Variants in OTOGL observed in about 807,000 individuals in gnomAD.
The protein encoded by OTOGL is otogelin like.
A neutral mutation model predicts 318.5 loss-of-function variants in OTOGL; 285 were observed. The ratio of observed to expected loss-of-function variants is 0.89; its 90% CI spans 0.81 to 0.99. The LOEUF is 0.99. Among genes scored for constraint, OTOGL ranks in the 50% least tolerant of loss-of-function variants. The pLI is 0.00. For missense variants in OTOGL, 2,899 were observed against 2,845.6 expected, an observed-to-expected ratio of 1.02 and a Z score of -0.43; for synonymous variants, 987 against 936.5, an observed-to-expected ratio of 1.05 and a Z score of -0.99.
intron 7 of OTOGL, 116 bp from the exon 8 acceptor site, chr12:80,229,141 G>A (rs568674575): frequency 6.2e-5 from 74 of 1,193,058 alleles, no homozygotes; most frequent in African/African-American, 5.3e-4. Flanking sequence ...TAGTTATAAC[G>A]TTGTAAAGTG....
intron 1 of OTOGL, among the ~76,000 whole-genome samples, chr12:80,139,887 T>A (rs953479035): frequency 2.0e-5 from 3 of 152,182 alleles, no homozygotes; most frequent in Admixed American, 1.3e-4. Context: ...TATTTCCATC[T>A]GAATGTTCTA....
chr12:80,268,723 G>T (rs755469348), intron 22 of OTOGL, among the ~76,000 whole-genome samples: 1 of 151,850 alleles, frequency 6.6e-6, no homozygotes, highest in African/African-American at 2.4e-5. Context: ...TACTTTCTAC[G>T]CGTAGTCAAA....
intron 1 of OTOGL, among the ~76,000 whole-genome samples, chr12:80,191,824 C>T (rs541071084): frequency 6.6e-6 from 1 of 152,282 alleles, no homozygotes; most frequent in East Asian, 1.9e-4. Context: ...ATCTCGCTCT[C>T]TTGTGAATGG....
At position 80,378,007 on chromosome 12, in the gene OTOGL, A is replaced by C; in HGVS notation, c.7021A>C (p.Thr2341Pro). 2 of 1,593,034 alleles carry C rather than the reference A, an allele frequency of 1.3e-6. No homozygotes were observed. Among genetic ancestry groups the C allele is most frequent in the Non-Finnish European group, 1.7e-6 (2 of 1,167,816 alleles). The change falls in exon 59 of 59, where the codon ACT (threonine) becomes CCT (proline). Residue 2341 changes from threonine to proline, a missense_variant. Around this residue, in one of 3 missense-constraint regions of OTOGL, gnomAD observed 289 missense variants for 304.6 expected, o/e 0.95. Coordinates refer to ENST00000547103, the MANE Select transcript of OTOGL (RefSeq NM_001378609.3). ...CSGNGTEIMY[T>P]LQEPIDCTCQ... is the part of the protein sequence containing the mutation. ...AGGAAATGGCACTGAAATTATGTACACTCTCCAGGAACCCATAGACTGTAC... is the reference window on the plus strand; with the variant it reads ...AGGAAATGGCACTGAAATTATGTACCCTCTCCAGGAACCCATAGACTGTAC...
intron 30 of OTOGL, among the ~76,000 whole-genome samples, chr12:80,313,085 G>A (rs1330875711): frequency 6.6e-6 from 1 of 152,038 alleles, no homozygotes; most frequent in Non-Finnish European, 1.5e-5. Context: ...TGTTGCATGA[G>A]CAGGGGCAAA....
chr12:80,113,719 AGTGTGGGAGTACTATTATT>A (rs1161058277), intron 1 of OTOGL, among the ~76,000 whole-genome samples: 1 of 152,070 alleles, frequency 6.6e-6, no homozygotes, highest in African/African-American at 2.4e-5. Context: ...TAATATTGAC[AGTGTGGGAGTACTATTATT>A]GTGTGGGAGT....
chr12:80,370,261 C>T (rs993158790), intron 55 of OTOGL, among the ~76,000 whole-genome samples: 1 of 151,930 alleles, frequency 6.6e-6, no homozygotes, highest in Admixed American at 6.6e-5. Flanking sequence ...GAAACAGATA[C>T]CTATTTGCTT....
chr12:80,340,431 G>A (rs1490839884), intron 43 of OTOGL, among the ~76,000 whole-genome samples: 2 of 152,082 alleles, frequency 1.3e-5, no homozygotes, highest in African/African-American at 4.8e-5. Flanking sequence ...TTATTATTGA[G>A]TAATAACTGA....
chr12:80,127,739 C>A (rs961528658), intron 1 of OTOGL, among the ~76,000 whole-genome samples: 11 of 152,158 alleles, frequency 7.2e-5, no homozygotes, highest in Non-Finnish European at 1.2e-4. Flanking sequence ...TTGCTCATTT[C>A]TTTTTATTCT....
chr12:80,268,565 A>G (rs2137575142), intron 22 of OTOGL, among the ~76,000 whole-genome samples: 1 of 152,288 alleles, frequency 6.6e-6, no homozygotes, highest in Non-Finnish European at 1.5e-5. Context: ...ACACAGTGGC[A>G]ACTAGCTCTT....
At chr12:80,250,125 C>T (rs1204697086) in intron 11 of OTOGL, among the ~76,000 whole-genome samples, 3 of 152,190 alleles carry the variant, frequency 2.0e-5, no homozygotes, top group East Asian at 3.9e-4. Flanking sequence ...CACCTGTCTT[C>T]TGTGTCGCTC....
chr12:80,204,220 T>C (rs1876659671), intron 1 of OTOGL, among the ~76,000 whole-genome samples: 1 of 152,172 alleles, frequency 6.6e-6, no homozygotes, highest in Non-Finnish European at 1.5e-5. Flanking sequence ...TCATACTGAT[T>C]TGTGCTGTGT....
chr12:80,326,180 G>A (rs192242580), intron 35 of OTOGL, among the ~76,000 whole-genome samples: 9 of 152,150 alleles, frequency 5.9e-5, no homozygotes, highest in East Asian at 3.9e-4. Context: ...CTCCAAGTCC[G>A]CGACATAACC....
In OTOGL at chr12:80,312,820, C is replaced by CT. The variant is rs201758298; in HGVS notation, c.3451-647dup. Among the ~76,000 whole-genome samples, 995 of 151,272 alleles carry CT rather than the reference C, an allele frequency of 6.6e-3. 13 individuals are homozygous for CT. The highest frequency in any genetic ancestry group is 0.022 in the African/African-American group (906 of 41,252). The stretch of plus-strand genomic sequence containing the variant: ...TCCTGCTTCTTTTCTTCTTCTTCTT[C>CT]TTTTTTTTTATTTGAGACAGAGTCT... On this transcript the variant is annotated intron_variant, in intron 30 of 58. Transcript: ENST00000547103.
intron 1 of OTOGL, among the ~76,000 whole-genome samples, chr12:80,153,465 C>A (rs1413464801): frequency 3.3e-5 from 5 of 152,170 alleles, no homozygotes; most frequent in African/African-American, 1.2e-4. Context: ...CCTTCTCTGT[C>A]TTCACTCATG....
Position 80,249,936 on chromosome 12 carries a change from G to C in OTOGL, c.1053-1757G>C, listed in dbSNP as rs12313864. On this transcript the variant is annotated intron_variant, in intron 11 of 58. Coordinates refer to ENST00000547103, the MANE Select transcript of OTOGL (RefSeq NM_001378609.3). ...GGGAGTGACCCGATTTTCCAGGTGC[G>C]TCCGTCAGCCCTTTCTTTGACTCGG... Among the ~76,000 whole-genome samples, 6 of 151,978 alleles carry C rather than the reference G, an allele frequency of 3.9e-5. No individual in the cohort carries two copies. The East Asian group carries it at 7.7e-4, about 20-fold the overall frequency.
At chr12:80,149,674 C>A (rs1022130752) in intron 1 of OTOGL, among the ~76,000 whole-genome samples, 1 of 152,192 alleles carries the variant, frequency 6.6e-6, no homozygotes. Flanking sequence ...AGCCTCGCTG[C>A]CGCCTTGCAG....
intron 38 of OTOGL, among the ~76,000 whole-genome samples, chr12:80,334,060 T>C (rs10862092): frequency 0.089 from 13,578 of 152,130 alleles, 664 homozygotes; most frequent in South Asian, 0.14. Flanking sequence ...CTGAGTAGCT[T>C]CAAGATCATT....
intron 1 of OTOGL, among the ~76,000 whole-genome samples, chr12:80,181,737 G>T (rs1032079088): frequency 1.3e-5 from 2 of 152,000 alleles, no homozygotes; most frequent in African/African-American, 2.4e-5. Flanking sequence ...CATGCCACAT[G>T]GTGACTACTC....
Sources: allele counts gnomAD v4.1 joint callset (sites outside exome capture counted in the v4.1 genomes callset), GRCh38; gene constraint gnomAD v4.1.1; regional missense constraint gnomAD v4.1.1; transcripts MANE v1.5; gene names NCBI Gene and HGNC (gene_info 2026-07-23, HGNC 2026-07-21).